The following BCKDHB variants were observed in gnomAD, a reference collection of about 807,000 sequenced individuals.
BCKDHB encodes the protein branched chain keto acid dehydrogenase E1 subunit beta.
BCKDHB carries 41 observed loss-of-function variants against 48.5 expected under a neutral mutation model. That is an observed-to-expected ratio of 0.85 (90% confidence interval 0.66 to 1.10). The LOEUF (loss-of-function observed/expected upper bound fraction) is 1.10. Ranked by LOEUF, BCKDHB falls within the 50% of genes least tolerant of loss-of-function variation. The probability of loss-of-function intolerance (pLI) is 0.00; values close to 1 mark genes in which losing one functional copy is unlikely to be tolerated. For synonymous variants in BCKDHB, 201 were observed against 174.8 expected (o/e 1.15, Z -1.18); for missense variants, 496 against 494.2 (o/e 1.00, Z -0.03).
chr6:80,265,527 G>T (rs981522666), intron 8 of BCKDHB, among the ~76,000 whole-genome samples: 5 of 152,050 alleles, frequency 3.3e-5, no homozygotes, highest in African/African-American at 4.8e-5. Context: ...AAAGTAGAAT[G>T]ACACCAAGGG....
At chr6:80,225,147 G>T (rs1317396125) in intron 8 of BCKDHB, among the ~76,000 whole-genome samples, 1 of 152,092 alleles carries the variant, frequency 6.6e-6, no homozygotes, top group African/African-American at 2.4e-5. Context: ...TAAATCTCCT[G>T]GTTTGCAGAT....
chr6:80,408,941 T>C, the BCKDHB span, among the ~76,000 whole-genome samples: 1 of 152,206 alleles, frequency 6.6e-6, no homozygotes, highest in Non-Finnish European at 1.5e-5. Context: ...CTCTTGCTTC[T>C]CCAGTTCTAT....
At chr6:80,107,209 T>C (rs956760089) in intron 1 of BCKDHB, among the ~76,000 whole-genome samples, 1 of 151,456 alleles carries the variant, frequency 6.6e-6, no homozygotes. Context: ...TCCTCCGTCC[T>C]TGCTTTCTCA....
chr6:80,159,697 C>A (rs894118172), intron 3 of BCKDHB, among the ~76,000 whole-genome samples: 1 of 152,166 alleles, frequency 6.6e-6, no homozygotes, highest in African/African-American at 2.4e-5. Flanking sequence ...TATACTATGA[C>A]TGAAATTACT....
chr6:80,454,165 A>G, the BCKDHB span: 1 of 152,206 alleles, frequency 6.6e-6, no homozygotes, highest in Non-Finnish European at 1.5e-5. Flanking sequence ...CAACACTGTG[A>G]ACATAAGAAG....
At chr6:80,110,293 G>T (rs1170631605) in intron 1 of BCKDHB, among the ~76,000 whole-genome samples, 3 of 152,176 alleles carry the variant, frequency 2.0e-5, no homozygotes. Flanking sequence ...CATACTCTCT[G>T]CTAGCTGCTA....
At chr6:80,131,396 C>G (rs913953584) in intron 3 of BCKDHB, among the ~76,000 whole-genome samples, 1 of 152,166 alleles carries the variant, frequency 6.6e-6, no homozygotes, top group Admixed American at 6.6e-5. Context: ...TGGGGAAATT[C>G]TAAGTGTCTT....
chr6:80,313,878 C>A (rs551158034), intron 9 of BCKDHB, among the ~76,000 whole-genome samples: 1 of 152,252 alleles, frequency 6.6e-6, no homozygotes, highest in African/African-American at 2.4e-5. Flanking sequence ...AACCTGAGAT[C>A]TTTCCTAGCT....
intron 8 of BCKDHB, among the ~76,000 whole-genome samples, chr6:80,240,794 C>T (rs981296416): frequency 2.0e-5 from 3 of 152,112 alleles, no homozygotes; most frequent in Admixed American, 1.3e-4. Flanking sequence ...ATGATATTGG[C>T]CTGTCTTGCT....
At chr6:80,390,745 A>G in the BCKDHB span, among the ~76,000 whole-genome samples, 4 of 152,098 alleles carry the variant, frequency 2.6e-5, no homozygotes, top group Admixed American at 6.6e-5. Flanking sequence ...TATAGGTTCA[A>G]GTTGAAAAGG....
At chr6:80,366,101 G>A in the BCKDHB span, among the ~76,000 whole-genome samples, 2 of 152,148 alleles carry the variant, frequency 1.3e-5, 1 homozygote, top group East Asian at 3.9e-4. Flanking sequence ...CAATGCCATA[G>A]CCTTGAACCT....
intron 9 of BCKDHB, among the ~76,000 whole-genome samples, chr6:80,301,937 T>C (rs1014762733): frequency 1.3e-5 from 2 of 152,170 alleles, no homozygotes; most frequent in South Asian, 2.1e-4. Context: ...AAAAAAACTT[T>C]TGATAAAATT....
At chr6:80,260,886 CA>C (rs575529765) in intron 8 of BCKDHB, among the ~76,000 whole-genome samples, 153 of 152,248 alleles carry the variant, frequency 1.0e-3, no homozygotes, top group African/African-American at 3.7e-3. Flanking sequence ...AAAAAAAGAT[CA>C]TTTTGCCAAA....
chr6:80,219,724 G>C (rs541677063), intron 8 of BCKDHB, among the ~76,000 whole-genome samples: 2 of 152,306 alleles, frequency 1.3e-5, no homozygotes, highest in East Asian at 3.9e-4. Flanking sequence ...GAGGTTTTCT[G>C]ACACTTGTGT....
chr6:80,435,005 G>T, the BCKDHB span, among the ~76,000 whole-genome samples: 1 of 152,020 alleles, frequency 6.6e-6, no homozygotes, highest in Non-Finnish European at 1.5e-5. Context: ...TTGCTATCTT[G>T]GCTTTCTTTA....
chr6:80,245,003 G>C (rs1197041000), intron 8 of BCKDHB, among the ~76,000 whole-genome samples: 2 of 151,868 alleles, frequency 1.3e-5, no homozygotes, highest in African/African-American at 4.8e-5. Context: ...GCCTGAGTGT[G>C]GTTCTTGGTT....
At chr6:80,429,692 G>T in the BCKDHB span, among the ~76,000 whole-genome samples, 1 of 152,150 alleles carries the variant, frequency 6.6e-6, no homozygotes, top group Non-Finnish European at 1.5e-5. Flanking sequence ...TGGTGTATAG[G>T]AATGCTTGTG....
chr6:80,428,727 T>C, the BCKDHB span, among the ~76,000 whole-genome samples: 3 of 152,232 alleles, frequency 2.0e-5, no homozygotes, highest in Non-Finnish European at 4.4e-5. Flanking sequence ...GTTTGTTTTT[T>C]TTCTTGTAAA....
rs936918468 is a variant in BCKDHB at position 80,167,604 on chromosome 6, T to C, written c.344-74T>C. The C allele has an allele frequency of 1.3e-5, 18 of 1,436,072 alleles. No homozygotes were observed. The East Asian group carries it at 2.5e-4, about 20-fold the overall frequency. 89.0% of individuals were successfully genotyped at this position (1,436,072 alleles called of 1,614,324 possible). The stretch of plus-strand genomic sequence containing the variant: ...CTTCTCCATCCCATTATTAGTTTAC[T>C]GAATTTTTAAATGTATTATGCATGA... On this transcript the variant is annotated intron_variant, in intron 3 of 9. Coordinates refer to ENST00000320393, the MANE Select transcript of BCKDHB (RefSeq NM_183050.4).
Sources: gnomAD v4.1 joint callset for allele counts (sites outside exome capture counted in the v4.1 genomes callset) on GRCh38, gnomAD v4.1.1 for gene constraint, MANE v1.5 for transcripts, NCBI Gene and HGNC (gene_info 2026-07-23, HGNC 2026-07-21) for gene names.